The following TMEM132B variants were observed in gnomAD, a reference collection of about 807,000 sequenced individuals.
TMEM132B encodes the protein transmembrane protein 132B.
In TMEM132B, 18 loss-of-function variants were observed where a neutral mutation model predicts 90.8. That is an observed-to-expected ratio of 0.20 (90% CI 0.14 to 0.29). The LOEUF (loss-of-function observed/expected upper bound fraction) is 0.29, where lower values mean the gene tolerates loss of function less well. Among genes scored for constraint, TMEM132B ranks in the 10% least tolerant of loss-of-function variants. The pLI is 1.00. For synonymous variants in TMEM132B, 504 were observed against 523.3 expected (o/e 0.96, Z 0.50); for missense variants, 1,096 against 1,326.8 (o/e 0.83, Z 2.70).
chr12:125,284,555 C>T (rs934129983), intron 1 of TMEM132B, among the ~76,000 whole-genome samples: 3 of 152,210 alleles, frequency 2.0e-5, no homozygotes, highest in African/African-American at 7.2e-5. Context: ...CTTCAAGGGT[C>T]TTCCATGCCA....
intron 1 of TMEM132B, among the ~76,000 whole-genome samples, chr12:125,285,515 C>G (rs1263498370): frequency 6.6e-6 from 1 of 152,228 alleles, no homozygotes; most frequent in East Asian, 1.9e-4. Context: ...CAGCGCTGGA[C>G]TGAGCCAGTG....
chr12:125,195,129 A>C (rs1872895980), intron 1 of TMEM132B, among the ~76,000 whole-genome samples: 2 of 152,034 alleles, frequency 1.3e-5, no homozygotes, highest in African/African-American at 4.8e-5. Flanking sequence ...TCCAATTTGC[A>C]TCCTTCCTGC....
chr12:125,197,543 G>A (rs1872952886), intron 1 of TMEM132B, among the ~76,000 whole-genome samples: 1 of 152,236 alleles, frequency 6.6e-6, no homozygotes, highest in African/African-American at 2.4e-5. Flanking sequence ...TTGGAACACA[G>A]CGGTGCCTAT....
intron 4 of TMEM132B, among the ~76,000 whole-genome samples, chr12:125,533,752 C>T (rs1429810879): frequency 3.3e-5 from 5 of 152,196 alleles, no homozygotes; most frequent in African/African-American, 1.2e-4. Context: ...CAGGGATTCC[C>T]GATTTCCCTG....
chr12:125,327,840 C>T (rs1025368703), intron 1 of TMEM132B, among the ~76,000 whole-genome samples: 17 of 152,128 alleles, frequency 1.1e-4, no homozygotes, highest in Non-Finnish European at 2.2e-4. Context: ...TGCAGTTTCT[C>T]AGGATATATA....
chr12:125,505,695 T>C (rs1246566998), intron 3 of TMEM132B, among the ~76,000 whole-genome samples: 1 of 142,386 alleles, frequency 7.0e-6, no homozygotes, highest in Non-Finnish European at 1.5e-5. Flanking sequence ...CGAAACCCCG[T>C]CTCAGAAAAA....
intron 3 of TMEM132B, among the ~76,000 whole-genome samples, chr12:125,515,658 C>A (rs1329213164): frequency 2.0e-5 from 3 of 151,110 alleles, no homozygotes; most frequent in African/African-American, 7.3e-5. Context: ...ACACCCCCTT[C>A]ACACATTCTT....
intron 3 of TMEM132B, among the ~76,000 whole-genome samples, chr12:125,442,545 G>A (rs1159261377): frequency 6.6e-6 from 1 of 152,162 alleles, no homozygotes; most frequent in Non-Finnish European, 1.5e-5. Context: ...CCTCCTTGGA[G>A]GTTTGCTATG....
intron 3 of TMEM132B, among the ~76,000 whole-genome samples, chr12:125,419,233 G>T (rs536848493): frequency 6.6e-6 from 1 of 152,284 alleles, no homozygotes; most frequent in African/African-American, 2.4e-5. Flanking sequence ...GTGAAGTCAA[G>T]ATCCAATCCA....
intron 1 of TMEM132B, among the ~76,000 whole-genome samples, chr12:125,236,156 GT>G (rs60000317): frequency 0.61 from 92,077 of 150,966 alleles, 28,796 homozygotes; most frequent in African/African-American, 0.75. Flanking sequence ...TTGTTTTTTT[GT>G]TTTTTTGAGA....
chr12:125,372,132 T>C lies in TMEM132B; in HGVS notation c.959+21789T>C, dbSNP rs575909871. On this transcript the variant is annotated intron_variant, in intron 2 of 8. Coordinates refer to ENST00000682704, the MANE Select transcript of TMEM132B (RefSeq NM_001366854.1). ...GCAAGAAATTCAACATGTGCTTCTC[T>C]TTGGTTTTCGAGAATTTTATTCAAA... Among the ~76,000 whole-genome samples, 12 of 152,374 alleles carry C rather than the reference T, an allele frequency of 7.9e-5. No individual in the cohort carries two copies. The South Asian group carries it at 2.1e-3, about 26-fold the overall frequency.
rs909304979 is a variant in TMEM132B, at chr12:125,492,661, A to G, written c.1107-26778A>G. On this transcript the variant is annotated intron_variant, in intron 3 of 8. Transcript: ENST00000682704. This position sits in a 1 kb window ranked among gnomAD's most constrained non-coding sequence, Gnocchi z 5.8. ...GGCATGGGGTCTGAGAGGGGCAGGA[A>G]GGCAGTGGTGGCCCGGCCTGTGCTC... 6.6e-6 allele frequency among the ~76,000 whole-genome samples: 1 copy of G among 152,106 alleles called. No individual in the cohort carries two copies. Among genetic ancestry groups the G allele is most frequent in the African/African-American group, 2.4e-5 (1 of 41,440 alleles).
chr12:125,352,519 T>C (rs1877622774), intron 2 of TMEM132B, among the ~76,000 whole-genome samples: 1 of 152,264 alleles, frequency 6.6e-6, no homozygotes. Flanking sequence ...TGGACCTTAG[T>C]TTCCCCATTG....
chr12:125,203,266 C>G (rs1454124063), intron 1 of TMEM132B, among the ~76,000 whole-genome samples: 2 of 152,112 alleles, frequency 1.3e-5, no homozygotes, highest in Non-Finnish European at 1.5e-5. Flanking sequence ...AAAAATGTTT[C>G]AAAAATTATC....
At chr12:125,334,710 T>C (rs185506978) in intron 1 of TMEM132B, among the ~76,000 whole-genome samples, 1 of 152,316 alleles carries the variant, frequency 6.6e-6, no homozygotes, top group East Asian at 1.9e-4. Context: ...ACCATGATGC[T>C]TATGGGGCAC....
At chr12:125,515,714 A>G (rs1302641136) in intron 3 of TMEM132B, among the ~76,000 whole-genome samples, 2 of 151,696 alleles carry the variant, frequency 1.3e-5, no homozygotes, top group Non-Finnish European at 2.9e-5. Context: ...CAACACATTC[A>G]CACGTTCTCA....
intron 4 of TMEM132B, among the ~76,000 whole-genome samples, chr12:125,581,313 A>C (rs1417790775): frequency 6.6e-6 from 1 of 152,218 alleles, no homozygotes; most frequent in African/African-American, 2.4e-5. Context: ...CTGACAACCC[A>C]ACTCAAACTA....
intron 1 of TMEM132B, among the ~76,000 whole-genome samples, chr12:125,200,603 C>A: frequency 6.6e-6 from 1 of 152,148 alleles, no homozygotes; most frequent in Admixed American, 6.5e-5. Context: ...TCTATCCCAC[C>A]CACCAGGAAT....
chr12:125,228,797 A>G (rs1873743771), intron 1 of TMEM132B, among the ~76,000 whole-genome samples: 1 of 152,162 alleles, frequency 6.6e-6, no homozygotes, highest in African/African-American at 2.4e-5. Flanking sequence ...ATTGGTCCAA[A>G]CCGATGTATC....
Sources: gnomAD v4.1 joint callset for allele counts (sites outside exome capture counted in the v4.1 genomes callset) on GRCh38, gnomAD v4.1.1 for gene constraint, Gnocchi (gnomAD v3.1) non-coding constraint, MANE v1.5 for transcripts, NCBI Gene and HGNC (gene_info 2026-07-23, HGNC 2026-07-21) for gene names.